Variants in GAD2 observed in about 807,000 individuals in gnomAD.
The protein encoded by GAD2 is glutamate decarboxylase 2.
GAD2 carries 22 observed loss-of-function variants against 80.1 expected under a neutral mutation model. That is an observed-to-expected ratio of 0.27 (90% CI 0.20 to 0.39). The LOEUF is 0.39. GAD2 is among the 10% of genes least tolerant of loss of function. GAD2 has a pLI of 1.00. For synonymous variants in GAD2, 274 were observed against 256.9 expected (o/e 1.07, Z -0.64); for missense variants, 624 against 738.4 (o/e 0.85, Z 1.80).
intron 8 of GAD2, among the ~76,000 whole-genome samples, chr10:26,246,901 G>C (rs1844817294): frequency 1.3e-5 from 2 of 152,138 alleles, no homozygotes; most frequent in South Asian, 4.1e-4. Context: ...TTTAAAATTA[G>C]GAGTGAGCTG....
Position 26,246,221 on chromosome 10 carries a change from C to T in GAD2, c.920+221C>T, listed in dbSNP as rs1844807721. ...TCCACAGCCCTTGCCTGAATCAAAA[C>T]CTTTGTTAAATCCATCAAAATATTC... On this transcript the variant is annotated intron_variant, in intron 8 of 15. Coordinates refer to ENST00000376261, the MANE Select transcript of GAD2 (RefSeq NM_001134366.2). Among the ~76,000 whole-genome samples the T allele has an allele frequency of 3.3e-5, 5 of 152,292 alleles. No homozygotes were observed. The South Asian group carries it at 1.0e-3, about 32-fold the overall frequency.
Position 26,277,010 on chromosome 10 carries a change from T to C in GAD2, c.1157+3310T>C, listed in dbSNP as rs149404613. 4.0e-3 allele frequency among the ~76,000 whole-genome samples: 603 copies of C among 152,268 alleles called. 3 individuals carry two copies. Among genetic ancestry groups the C allele is most frequent in the African/African-American group, 0.014 (581 of 41,558 alleles). ...ATTGTCAATGAACAGTGGATTAAAA[T>C]TCAAGGCAAGGAAGTAAAGGCTGGA... On this transcript the variant is annotated intron_variant, in intron 11 of 15. Transcript: ENST00000376261.
Position 26,273,627 on chromosome 10 carries a change from T to C in GAD2, c.1093-9T>C. On this transcript the variant is annotated splice_polypyrimidine_tract_variant and intron_variant, in intron 10 of 15. Transcript: ENST00000376261. ...CTGCTACCATTTTCCTCATATGATT[T>C]TTTTTCAGGCAGCTTGGGGTGGGGG... The C allele has an allele frequency of 6.2e-7, 1 of 1,613,212 alleles. No individual in the cohort carries two copies. Among genetic ancestry groups the C allele is most frequent in the Non-Finnish European group, 8.5e-7 (1 of 1,179,406 alleles).
chr10:26,218,226 C>G, intron 3 of GAD2: 2 of 413,360 alleles, frequency 4.8e-6, no homozygotes, highest in Non-Finnish European at 8.5e-6. Context: ...GCGCTCTTCC[C>G]CCAGCGCGGC....
At chr10:26,289,653 C>T (rs140454757) in intron 13 of GAD2, among the ~76,000 whole-genome samples, 1 of 151,660 alleles carries the variant, frequency 6.6e-6, no homozygotes, top group Non-Finnish European at 1.5e-5. Context: ...ACGGAGTTGG[C>T]CTTTCATTTT....
chr10:26,262,883 G>A (rs1845025747), intron 8 of GAD2, among the ~76,000 whole-genome samples: 1 of 151,622 alleles, frequency 6.6e-6, no homozygotes, highest in African/African-American at 2.4e-5. Flanking sequence ...GATACATTTA[G>A]GGAAGAGGGA....
intron 4 of GAD2, among the ~76,000 whole-genome samples, chr10:26,220,649 G>T (rs1184189368): frequency 6.6e-6 from 1 of 152,140 alleles, no homozygotes; most frequent in East Asian, 1.9e-4. Flanking sequence ...GTGCAATCCT[G>T]GGTGATGCTT....
At chr10:26,234,182 G>A (rs1188700626) in intron 7 of GAD2, among the ~76,000 whole-genome samples, 1 of 152,076 alleles carries the variant, frequency 6.6e-6, no homozygotes, top group African/African-American at 2.4e-5. Context: ...AAATTAGCCA[G>A]GTATGTTGGT....
At chr10:26,230,136 C>A (rs1231479642) in intron 7 of GAD2, among the ~76,000 whole-genome samples, 2 of 152,036 alleles carry the variant, frequency 1.3e-5, no homozygotes, top group African/African-American at 4.8e-5. Context: ...CCACCACACT[C>A]CAGCCTGGAT....
intron 15 of GAD2, among the ~76,000 whole-genome samples, chr10:26,299,897 G>A (rs1834310930): frequency 2.0e-5 from 3 of 152,146 alleles, no homozygotes; most frequent in Admixed American, 2.0e-4. Context: ...AAAAGGGATG[G>A]ATTCTAAGCA....
At chr10:26,260,482 G>A (rs917398768) in intron 8 of GAD2, among the ~76,000 whole-genome samples, 2 of 152,060 alleles carry the variant, frequency 1.3e-5, no homozygotes, top group African/African-American at 4.8e-5. Context: ...TAAAAAATTA[G>A]CTGGGTGTGA....
intron 11 of GAD2, among the ~76,000 whole-genome samples, chr10:26,278,155 A>C (rs1845232853): frequency 6.6e-6 from 1 of 152,176 alleles, no homozygotes; most frequent in Admixed American, 6.5e-5. Context: ...AAAAAGACAA[A>C]TAGGCCCCCA....
At chr10:26,277,815 A>C (rs1237547786) in intron 11 of GAD2, among the ~76,000 whole-genome samples, 1 of 152,138 alleles carries the variant, frequency 6.6e-6, no homozygotes, top group East Asian at 1.9e-4. Context: ...AGAAAGAATC[A>C]ATCTAGAAGG....
intron 15 of GAD2, among the ~76,000 whole-genome samples, chr10:26,293,613 C>G (rs1249724123): frequency 6.6e-6 from 1 of 152,138 alleles, no homozygotes; most frequent in African/African-American, 2.4e-5. Context: ...ATTGATGTTC[C>G]AAGTGAAACT....
chr10:26,243,041 A>C (rs572537484), intron 7 of GAD2, among the ~76,000 whole-genome samples: 156 of 108,506 alleles, frequency 1.4e-3, no homozygotes, highest in African/African-American at 6.9e-3. Context: ...ATGCACAAAA[A>C]ACCCCCCCCC....
At chr10:26,293,172 C>CTTTTTTTTTTTTTTT (rs987030977) in intron 15 of GAD2, among the ~76,000 whole-genome samples, 181 bp downstream of exon 15, 1 of 96,452 alleles carries the variant, frequency 1.0e-5, no homozygotes, top group Non-Finnish European at 2.1e-5. Flanking sequence ...CATTTTTCTT[C>CTTTTTTTTTTTTTTT]TTTTTTTTTT....
At chr10:26,225,785 G>A (rs1227459313) in intron 6 of GAD2, among the ~76,000 whole-genome samples, 1 of 152,234 alleles carries the variant, frequency 6.6e-6, no homozygotes, top group Non-Finnish European at 1.5e-5. Context: ...AGGAAAAGGT[G>A]TTAGTTAAAT....
intron 8 of GAD2, among the ~76,000 whole-genome samples, chr10:26,255,143 G>A (rs1198453432): frequency 6.6e-6 from 1 of 152,246 alleles, no homozygotes; most frequent in Non-Finnish European, 1.5e-5. Flanking sequence ...GACAGGCAGA[G>A]TAAGAGCAGC....
Position 26,217,893 on chromosome 10 carries a change from C to A in GAD2, c.188C>A (p.Pro63His), listed in dbSNP as rs781515916. The A allele has an allele frequency of 6.9e-5, 111 of 1,607,204 alleles. No homozygotes were observed. Among genetic ancestry groups the A allele is most frequent in the Non-Finnish European group, 9.2e-5 (108 of 1,177,108 alleles). ...EKPAESGGSQ[P>H]PRAAARKAAC... ...CCGGCGGAGAGCGGCGGGAGCCAAC[C>A]CCCGCGGGCCGCCGCCCGGAAGGCC... Residue 63 changes from proline (P) to histidine (H), a missense_variant, in exon 3 of 16, where the codon CCC becomes CAC. Transcript: ENST00000376261. This position sits in a 1 kb window ranked among gnomAD's most constrained non-coding sequence, Gnocchi z 4.9.
Sources: gnomAD v4.1 joint callset for allele counts (sites outside exome capture counted in the v4.1 genomes callset) on GRCh38, gnomAD v4.1.1 for gene constraint, Gnocchi (gnomAD v3.1) non-coding constraint, MANE v1.5 for transcripts, NCBI Gene and HGNC (gene_info 2026-07-23, HGNC 2026-07-21) for gene names.